The following CCS variants were observed in gnomAD, a reference collection of about 807,000 sequenced individuals.
CCS encodes the protein copper chaperone for superoxide dismutase, also known as superoxide dismutase copper chaperone.
A neutral mutation model predicts 35.5 loss-of-function variants in CCS; 32 were observed. The ratio of observed to expected loss-of-function variants is 0.90; its 90% CI spans 0.68 to 1.21. CCS has a LOEUF of 1.21. Among genes scored for constraint, CCS ranks in the 50% most tolerant of loss-of-function variants. The probability of loss-of-function intolerance (pLI) is 0.00; values close to 1 mark genes in which losing one functional copy is unlikely to be tolerated. For synonymous variants in CCS, 130 were observed against 147.2 expected, an observed-to-expected ratio of 0.88 and a Z score of 0.84; for missense variants, 342 against 375.4, an observed-to-expected ratio of 0.91 and a Z score of 0.73.
chr11:66,603,563 T>C (rs911446496), intron 5 of CCS, among the ~76,000 whole-genome samples: 3 of 147,972 alleles, frequency 2.0e-5, no homozygotes, highest in African/African-American at 7.5e-5. Flanking sequence ...ATACAAAAGT[T>C]GGGCCGGGCA....
intron 2 of CCS, among the ~76,000 whole-genome samples, chr11:66,596,291 T>A (rs1858475118): frequency 6.6e-6 from 1 of 152,080 alleles, no homozygotes; most frequent in South Asian, 2.1e-4. Flanking sequence ...AGTATCGAAC[T>A]CCTGGCCTCA....
At chr11:66,599,031 G>A in intron 2 of CCS, 85 bp from the exon 3 acceptor site, 1 of 1,547,384 alleles carries the variant, frequency 6.5e-7, no homozygotes, top group Non-Finnish European at 8.9e-7. Context: ...AAATGGGGAT[G>A]GAGAATTGCT....
chr11:66,595,200 GA>G (rs1408292118), intron 2 of CCS, among the ~76,000 whole-genome samples: 3 of 152,186 alleles, frequency 2.0e-5, no homozygotes, highest in African/African-American at 7.2e-5. Context: ...AAAGCATTTA[GA>G]AAAGTCTTTG....
At chr11:66,598,267 T>G (rs1858511909) in intron 2 of CCS, among the ~76,000 whole-genome samples, 1 of 151,618 alleles carries the variant, frequency 6.6e-6, no homozygotes, top group African/African-American at 2.4e-5. Flanking sequence ...TTTGGGAGAC[T>G]GAGGCAGGCA....
intron 4 of CCS, chr11:66,599,869 A>C: frequency 2.3e-6 from 1 of 443,118 alleles, no homozygotes; most frequent in Non-Finnish European, 4.0e-6. Context: ...GTAATCTAGC[A>C]CTTTGGGAGG....
chr11:66,594,299 C>T (rs1005707688), intron 2 of CCS, among the ~76,000 whole-genome samples: 3 of 152,116 alleles, frequency 2.0e-5, no homozygotes, highest in Non-Finnish European at 4.4e-5. Flanking sequence ...GCGGAGCTTG[C>T]AGTTAGCCGA....
intron 2 of CCS, among the ~76,000 whole-genome samples, chr11:66,597,461 A>G (rs780956107): frequency 7.0e-6 from 1 of 142,114 alleles, no homozygotes; most frequent in Non-Finnish European, 1.5e-5. Flanking sequence ...CCATTTCAAA[A>G]AGAAAAAAAG....
In CCS at chr11:66,605,789, G is replaced by A; in HGVS notation, c.759G>A (p.Glu253=). Residue 253 remains glutamate (E), a synonymous_variant, in exon 8 of 8, where the codon GAG becomes GAA. Coordinates refer to ENST00000533244, the MANE Select transcript of CCS (RefSeq NM_005125.2). ...CTTGCGATGGCCTCACCATCTGGGA[G>A]GAGCGAGGCCGGCCCATCGCTGGCA... ...ICSCDGLTIW[E]ERGRPIAGKG... is the part of the protein sequence containing the mutation. The A allele has an allele frequency of 6.2e-7, 1 of 1,606,278 alleles. No individual in the cohort carries two copies. Among genetic ancestry groups the A allele is most frequent in the South Asian group, 1.1e-5 (1 of 90,290 alleles).
chr11:66,603,647 C>T (rs544872796), intron 5 of CCS, among the ~76,000 whole-genome samples: 18 of 152,288 alleles, frequency 1.2e-4, no homozygotes, highest in Admixed American at 9.2e-4. Context: ...GAGATCGAGA[C>T]CATCCTGGTT....
chr11:66,599,215 G>A lies in CCS; in HGVS notation c.212G>A (p.Arg71Gln), dbSNP rs150675115. The part of the protein sequence containing the change: ...EVQALLEGTG[R>Q]QAVLKGMGSG... Reference sequence around the variant, plus strand: ...CAGGCTCTCCTGGAAGGCACGGGGCGGCAGGCGGTACTCAAGGGCATGGGC... The same window carrying A: ...CAGGCTCTCCTGGAAGGCACGGGGCAGCAGGCGGTACTCAAGGGCATGGGC... The change falls in exon 3 of 8, where the codon CGG becomes CAG. Residue 71 changes from arginine to glutamine, a missense_variant. Arg to Gln is a conservative substitution (Grantham distance 43). Transcript: ENST00000533244. 87 of 1,612,858 alleles carry A rather than the reference G, an allele frequency of 5.4e-5. No homozygotes were observed. The East Asian group carries it at 7.1e-4, about 13-fold the overall frequency.
At chr11:66,605,204 A>C (rs1565062771) in intron 5 of CCS, 135 bp from the exon 6 acceptor site, 2 of 1,539,672 alleles carry the variant, frequency 1.3e-6, no homozygotes, top group Non-Finnish European at 1.7e-6. Flanking sequence ...CTCAGATCCT[A>C]CGAGACTGGT....
chr11:66,596,877 CAA>C (rs1772680057), intron 2 of CCS, among the ~76,000 whole-genome samples: 1 of 152,160 alleles, frequency 6.6e-6, no homozygotes, highest in South Asian at 2.1e-4. Flanking sequence ...AGGGTGAGTA[CAA>C]TATCTGGGTT....
In CCS at chr11:66,593,648, T is replaced by G; in HGVS notation, c.46T>G (p.Phe16Val). 6.2e-7 allele frequency: 1 copy of G among 1,613,694 alleles called. No individual in the cohort carries two copies. The highest frequency in any genetic ancestry group is 8.5e-7 in the Non-Finnish European group (1 of 1,179,956). The stretch of plus-strand genomic sequence containing the variant: ...GTCCCTGCCGCCCTTGCAGTTGGAG[T>G]TCGCGGTGCAGATGACCTGTCAGAG... ...GNQGTLCTLEFAVQMTCQSCV... is the reference protein window; with the variant it reads ...GNQGTLCTLEVAVQMTCQSCV... The change falls in exon 2 of 8, where the codon TTC (phenylalanine) becomes GTC (valine). Residue 16 changes from phenylalanine to valine, a missense_variant. Transcript: ENST00000533244.
In CCS at chr11:66,593,697, C is replaced by G; in HGVS notation, c.95C>G (p.Ser32Cys). ...CQSCVDAVRK[S>C]LQGVAGVQDV... The stretch of plus-strand genomic sequence containing the variant: ...AGCTGTGTGGACGCGGTGCGCAAAT[C>G]CCTGCAAGGGGTGGCAGGTAAGAAC... The change falls in exon 2 of 8, where the codon TCC becomes TGC. Residue 32 changes from serine to cysteine, a missense_variant. Ser to Cys is a moderately radical substitution (Grantham distance 112, BLOSUM62 -1). Coordinates refer to ENST00000533244, the MANE Select transcript of CCS (RefSeq NM_005125.2). 2 of 1,614,094 alleles carry G rather than the reference C, an allele frequency of 1.2e-6. No homozygotes were observed. Among genetic ancestry groups the G allele is most frequent in the South Asian group, 2.2e-5 (2 of 91,072 alleles).
chr11:66,599,841 G>A, intron 4 of CCS: 1 of 530,032 alleles, frequency 1.9e-6, no homozygotes, highest in Non-Finnish European at 3.3e-6. Flanking sequence ...CCTTGGCTGG[G>A]CACAGTAGCT....
intron 5 of CCS, among the ~76,000 whole-genome samples, chr11:66,603,778 G>A (rs1388345193): frequency 2.0e-5 from 3 of 151,848 alleles, no homozygotes; most frequent in Non-Finnish European, 2.9e-5. Flanking sequence ...CCTGGGAGGC[G>A]GAGCTTGCAG....
intron 1 of CCS, 56 bp downstream of exon 1, chr11:66,593,356 G>C (rs1453110006): frequency 2.3e-5 from 33 of 1,455,248 alleles, no homozygotes; most frequent in Non-Finnish European, 3.0e-5. Flanking sequence ...CGGCCCCTGG[G>C]ATGATCGTTA....
In CCS at chr11:66,600,556, GT is replaced by G; in HGVS notation, c.489+8del. 1 of 1,500,840 alleles carries G rather than the reference GT, an allele frequency of 6.7e-7. No homozygotes were observed. The highest frequency in any genetic ancestry group is 2.5e-5 in the East Asian group (1 of 39,284). 93.0% of individuals were successfully genotyped at this position (1,500,840 alleles called of 1,614,324 possible). ...CCCCCAGGACTCTGACCGGGTAAGT[GT>G]CTGTCTGGGTTTGGGCTTGGGCTGA... On this transcript the variant is annotated splice_region_variant and intron_variant, in intron 5 of 7. Transcript: ENST00000533244.
chr11:66,594,291 G>C (rs568697324), intron 2 of CCS, among the ~76,000 whole-genome samples: 1 of 152,094 alleles, frequency 6.6e-6, no homozygotes. Context: ...CCCGGGAGGC[G>C]GAGCTTGCAG....
Sources: gnomAD v4.1 joint callset for allele counts (sites outside exome capture counted in the v4.1 genomes callset) on GRCh38, gnomAD v4.1.1 for gene constraint, MANE v1.5 for transcripts, NCBI Gene and HGNC (gene_info 2026-07-23, HGNC 2026-07-21) for gene names.